The following CAPN5 variants were observed in gnomAD, a reference collection of about 807,000 sequenced individuals.
The protein encoded by CAPN5 is calpain 5.
CAPN5 carries 54 observed loss-of-function variants against 73.0 expected under a neutral mutation model. The ratio of observed to expected loss-of-function variants is 0.74; its 90% confidence interval spans 0.59 to 0.93. CAPN5 has a LOEUF of 0.93. CAPN5 is among the 40% of genes least tolerant of loss of function. CAPN5 has a pLI of 0.00. For missense variants in CAPN5, 785 were observed against 882.9 expected (o/e 0.89, Z 1.41); for synonymous variants, 335 against 356.9 (o/e 0.94, Z 0.69).
At chr11:77,118,054 C>T in intron 7 of CAPN5, 103 bp from the exon 8 acceptor site, 2 of 1,055,480 alleles carry the variant, frequency 1.9e-6, no homozygotes, top group Non-Finnish European at 2.8e-6. Flanking sequence ...GCTGTGTTCT[C>T]TCACCTCTGG....
At chr11:77,082,904 T>G (rs1255089418) in intron 1 of CAPN5, among the ~76,000 whole-genome samples, 3 of 152,240 alleles carry the variant, frequency 2.0e-5, no homozygotes, top group Non-Finnish European at 4.4e-5. Context: ...GGCTCCTGCT[T>G]TCAGCTTCTC....
At chr11:77,097,463 A>AGTTTTTT (rs1950221861) in intron 3 of CAPN5, among the ~76,000 whole-genome samples, 1 of 59,826 alleles carries the variant, frequency 1.7e-5, no homozygotes, top group East Asian at 6.0e-4. Flanking sequence ...GTTTCCTTCT[A>AGTTTTTT]GTTTTTTTTT....
chr11:77,123,095 A>G (rs1950540143), intron 12 of CAPN5, among the ~76,000 whole-genome samples: 1 of 152,220 alleles, frequency 6.6e-6, no homozygotes, highest in Admixed American at 6.5e-5. Context: ...AGCCTTGGGC[A>G]GGGGATAGAA....
intron 1 of CAPN5, among the ~76,000 whole-genome samples, chr11:77,082,321 C>A (rs1280808193): frequency 6.6e-6 from 1 of 152,172 alleles, no homozygotes; most frequent in Non-Finnish European, 1.5e-5. Flanking sequence ...CCCAGGGGTC[C>A]TGCTCGGCCC....
intron 1 of CAPN5, among the ~76,000 whole-genome samples, chr11:77,079,352 A>G (rs1445633552): frequency 2.6e-5 from 4 of 152,108 alleles, no homozygotes; most frequent in Non-Finnish European, 5.9e-5. Context: ...GGCTTTGGTA[A>G]TGGGGTAATG....
At chr11:77,105,813 C>T (rs1377468689) in intron 3 of CAPN5, among the ~76,000 whole-genome samples, 1 of 152,238 alleles carries the variant, frequency 6.6e-6, no homozygotes, top group East Asian at 1.9e-4. Context: ...TCACTTGATC[C>T]TTCCTCACAG....
At chr11:77,085,423 T>C (rs1459810403) in intron 2 of CAPN5, among the ~76,000 whole-genome samples, 1 of 152,248 alleles carries the variant, frequency 6.6e-6, no homozygotes, top group African/African-American at 2.4e-5. Context: ...AGGAATTTAC[T>C]TTCCTGATTG....
In CAPN5 at chr11:77,116,316, G is replaced by C. The variant is rs782402253; in HGVS notation, c.971+13G>C. 3 of 1,608,802 alleles carry C rather than the reference G, an allele frequency of 1.9e-6. No homozygotes were observed. In the Admixed American group the frequency reaches 5.0e-5, roughly 27 times the overall value. On this transcript the variant is annotated intron_variant, in intron 7 of 12. Coordinates refer to ENST00000648180, the MANE Select transcript of CAPN5 (RefSeq NM_004055.5). The stretch of plus-strand genomic sequence containing the variant: ...ACGGTGAGTTCTGGTGAGTGTGTAT[G>C]TGCCCTGGGCGTCCGGGGCTGAGGG...
chr11:77,096,101 C>T (rs1475131321), intron 3 of CAPN5, among the ~76,000 whole-genome samples: 2 of 152,188 alleles, frequency 1.3e-5, no homozygotes, highest in Non-Finnish European at 2.9e-5. Flanking sequence ...CTTTCTGGGC[C>T]TGTTGCCCTG....
At position 77,123,983 on chromosome 11, in the gene CAPN5, T is replaced by A; in HGVS notation, c.*113T>A. The A allele has an allele frequency of 1.0e-6, 1 of 982,548 alleles. No homozygotes were observed. The highest frequency in any genetic ancestry group is 1.5e-6 in the Non-Finnish European group (1 of 664,840). 60.9% of individuals were successfully genotyped at this position (982,548 alleles called of 1,614,324 possible). A position where few individuals can be genotyped will look rare whatever the true frequency, so the allele number is the denominator to read the frequency against. The stretch of plus-strand genomic sequence containing the variant: ...TGGGGTCCTTTTCCCACTCTTCCAC[T>A]GACTTGCTGTGTGACCTTAGGAAGT... On this transcript the variant is annotated 3_prime_UTR_variant, in exon 13 of 13. Coordinates refer to ENST00000648180, the MANE Select transcript of CAPN5 (RefSeq NM_004055.5).
chr11:77,114,979 C>G (rs1950450968), intron 5 of CAPN5, among the ~76,000 whole-genome samples: 1 of 152,038 alleles, frequency 6.6e-6, no homozygotes, highest in African/African-American at 2.4e-5. Context: ...AGGAGAATTG[C>G]TTGAACCCGG....
intron 1 of CAPN5, among the ~76,000 whole-genome samples, chr11:77,083,267 C>T (rs1950045838): frequency 6.6e-6 from 1 of 152,186 alleles, no homozygotes; most frequent in Non-Finnish European, 1.5e-5. Context: ...GGGACAATGG[C>T]CCCCTTGCCC....
At chr11:77,114,607 T>C (rs1237321143) in intron 5 of CAPN5, among the ~76,000 whole-genome samples, 173 bp downstream of exon 5, 2 of 152,196 alleles carry the variant, frequency 1.3e-5, no homozygotes, top group African/African-American at 4.8e-5. Context: ...CCCTCTAGGC[T>C]GTGAAAAGCC....
chr11:77,085,780 T>C (rs1950079347), intron 2 of CAPN5, among the ~76,000 whole-genome samples: 1 of 152,066 alleles, frequency 6.6e-6, no homozygotes, highest in Non-Finnish European at 1.5e-5. Flanking sequence ...GTTCGCTGCT[T>C]GTCTGTGGGT....
At chr11:77,112,945 G>A (rs1555041021) in intron 4 of CAPN5, 148 bp downstream of exon 4, 2 of 732,002 alleles carry the variant, frequency 2.7e-6, no homozygotes, top group African/African-American at 3.5e-5. Flanking sequence ...CGCCAGGCCT[G>A]AGGGCATAGT....
At position 77,070,971 on chromosome 11, in the gene CAPN5, C is replaced by T. The variant is rs139398546; in HGVS notation, c.-36+3877C>T. ...CCACCCAGATAAGCCAAGATCGTCTCCCTGTCTCAAAATCCTTAATCGCAT... is the reference window on the plus strand; with the variant it reads ...CCACCCAGATAAGCCAAGATCGTCTTCCTGTCTCAAAATCCTTAATCGCAT... On this transcript the variant is annotated intron_variant, in intron 1 of 12. Coordinates refer to ENST00000648180, the MANE Select transcript of CAPN5 (RefSeq NM_004055.5). 4.2e-3 allele frequency among the ~76,000 whole-genome samples: 639 copies of T among 152,352 alleles called. 9 individuals carry two copies. The highest frequency in any genetic ancestry group is 0.015 in the African/African-American group (615 of 41,582).
intron 2 of CAPN5, among the ~76,000 whole-genome samples, chr11:77,092,703 G>A (rs1441141679): frequency 1.3e-5 from 2 of 152,268 alleles, no homozygotes; most frequent in East Asian, 1.9e-4. Flanking sequence ...GAGGCTGGGC[G>A]CAGTGGCTTA....
In CAPN5 at chr11:77,124,834, C is replaced by G. The variant is rs1484231958; in HGVS notation, c.*964C>G. 1 of 152,216 alleles carries G rather than the reference C, an allele frequency of 6.6e-6. No homozygotes were observed. Among genetic ancestry groups the G allele is most frequent in the Non-Finnish European group, 1.5e-5 (1 of 68,024 alleles). 9.4% of individuals were successfully genotyped at this position (152,216 alleles called of 1,614,324 possible). ...GTGTGTGGTGCTCACCAGAGTCAGG[C>G]CACCCACTGGGCTCGGCAGGAGATA... On this transcript the variant is annotated 3_prime_UTR_variant, in exon 13 of 13. Coordinates refer to ENST00000648180, the MANE Select transcript of CAPN5 (RefSeq NM_004055.5).
chr11:77,112,538 G>A (rs1555040898), intron 3 of CAPN5, 51 bp from the exon 4 acceptor site: 15 of 1,428,796 alleles, frequency 1.0e-5, no homozygotes, highest in African/African-American at 5.6e-5. Context: ...TCAGGAAGCC[G>A]GACATCCCCT....
Sources: gnomAD v4.1 joint callset for allele counts (sites outside exome capture counted in the v4.1 genomes callset) on GRCh38, gnomAD v4.1.1 for gene constraint, MANE v1.5 for transcripts, NCBI Gene and HGNC (gene_info 2026-07-23, HGNC 2026-07-21) for gene names.